Variants in FCHSD2 observed in about 807,000 individuals in gnomAD.
FCHSD2 encodes the protein FCH and double SH3 domains 2, also known as F-BAR and double SH3 domains protein 2.
A neutral mutation model predicts 108.1 loss-of-function variants in FCHSD2; 38 were observed. The ratio of observed to expected loss-of-function variants is 0.35; its 90% CI spans 0.27 to 0.46. FCHSD2 has a LOEUF of 0.46. Ranked by LOEUF, FCHSD2 falls within the 20% of genes least tolerant of loss-of-function variation. FCHSD2 has a pLI of 1.00. For missense variants in FCHSD2, 751 were observed against 897.8 expected (o/e 0.84, Z 2.09); for synonymous variants, 279 against 314.7 (o/e 0.89, Z 1.20).
intron 2 of FCHSD2, 128 bp downstream of exon 2, chr11:73,139,903 A>T (rs1861207645): frequency 1.1e-5 from 6 of 538,808 alleles, no homozygotes; most frequent in African/African-American, 1.9e-5. Flanking sequence ...CAGCTGAGTC[A>T]AAGTTCTAAC....
rs1009133013 is a variant in FCHSD2 at position 72,953,616 on chromosome 11, C to T, written c.705+30472G>A. On this transcript the variant is annotated intron_variant, in intron 8 of 19. Transcript: ENST00000409418. ...CAGACATTATTCCAGGTACTGGAGA[C>T]ACTGCATGGGGGAAAAAAAAAACAC... Among the ~76,000 whole-genome samples the T allele has an allele frequency of 5.5e-5, 5 of 91,324 alleles. No individual in the cohort carries two copies. In the Admixed American group the frequency reaches 7.4e-4, roughly 13 times the overall value. The allele number at this position is 91,324 out of a possible 152,430, so 59.9% of individuals were successfully genotyped here. A position where few individuals can be genotyped will look rare whatever the true frequency, so the allele number is the denominator to read the frequency against.
rs1000422875 is a variant in FCHSD2, at chr11:73,040,139, A to G, written c.166-24254T>C. ...ACCAGATAATGTTACACAAAGGCTG[A>G]GTTCATTTGTTTTGGACAGGTGGCC... On this transcript the variant is annotated intron_variant, in intron 3 of 19. Coordinates refer to ENST00000409418, the MANE Select transcript of FCHSD2 (RefSeq NM_014824.3). 2.6e-5 allele frequency among the ~76,000 whole-genome samples: 4 copies of G among 152,198 alleles called. No homozygotes were observed. In the South Asian group the frequency reaches 8.3e-4, roughly 31 times the overall value.
chr11:72,886,854 T>C (rs1458542860), intron 12 of FCHSD2, among the ~76,000 whole-genome samples: 1 of 152,148 alleles, frequency 6.6e-6, no homozygotes. Flanking sequence ...GCATAAGAAC[T>C]CTAAACACTA....
At position 73,135,526 on chromosome 11, in the gene FCHSD2, A is replaced by G. The variant is rs148240882; in HGVS notation, c.119+4505T>C. Among the ~76,000 whole-genome samples the G allele has an allele frequency of 5.3e-5, 8 of 152,362 alleles. No individual in the cohort carries two copies. In the East Asian group the frequency reaches 1.5e-3, roughly 29 times the overall value. On this transcript the variant is annotated intron_variant, in intron 2 of 19. Coordinates refer to ENST00000409418, the MANE Select transcript of FCHSD2 (RefSeq NM_014824.3). Reference sequence around the variant, plus strand: ...CACAGGATAAACAATCCTAAGAAGAAAAGTACACAGACTCTAGTATGTAGA... The same window carrying G: ...CACAGGATAAACAATCCTAAGAAGAGAAGTACACAGACTCTAGTATGTAGA...
chr11:72,885,729 A>G (rs1855183482), intron 12 of FCHSD2, among the ~76,000 whole-genome samples: 1 of 152,194 alleles, frequency 6.6e-6, no homozygotes, highest in Non-Finnish European at 1.5e-5. Flanking sequence ...AACAACAGGA[A>G]TAACTCTTCT....
At chr11:72,934,146 A>G (rs144196683) in intron 8 of FCHSD2, among the ~76,000 whole-genome samples, 25 of 151,454 alleles carry the variant, frequency 1.7e-4, no homozygotes, top group African/African-American at 5.8e-4. Context: ...AGCTATTTAA[A>G]GCTTACAACA....
intron 8 of FCHSD2, among the ~76,000 whole-genome samples, chr11:72,928,229 A>G (rs1042691384): frequency 6.6e-6 from 1 of 152,122 alleles, no homozygotes; most frequent in Non-Finnish European, 1.5e-5. Context: ...AAACCTGAAT[A>G]ACATATTAGG....
At chr11:72,967,462 T>C (rs532468809) in intron 8 of FCHSD2, among the ~76,000 whole-genome samples, 30 of 152,306 alleles carry the variant, frequency 2.0e-4, no homozygotes, top group Admixed American at 1.8e-3. Context: ...TAATATATGC[T>C]ACAACATGAA....
intron 3 of FCHSD2, among the ~76,000 whole-genome samples, chr11:73,062,901 A>C (rs965994062): frequency 1.3e-5 from 2 of 152,200 alleles, no homozygotes; most frequent in East Asian, 3.8e-4. Flanking sequence ...CAACCTAGCA[A>C]GACAGGCCAA....
intron 8 of FCHSD2, among the ~76,000 whole-genome samples, chr11:72,982,393 G>C (rs775187739): frequency 2.6e-5 from 4 of 152,204 alleles, no homozygotes; most frequent in Non-Finnish European, 5.9e-5. Flanking sequence ...TAAGCAATTC[G>C]ACTACAGCAA....
At chr11:72,943,426 AG>A (rs1856459597) in intron 8 of FCHSD2, among the ~76,000 whole-genome samples, 1 of 152,246 alleles carries the variant, frequency 6.6e-6, no homozygotes, top group East Asian at 1.9e-4. Context: ...TGAGTAGGAA[AG>A]GATTAGTGAG....
intron 14 of FCHSD2, among the ~76,000 whole-genome samples, chr11:72,846,469 C>T (rs1476473806): frequency 2.0e-5 from 3 of 152,116 alleles, no homozygotes; most frequent in Non-Finnish European, 2.9e-5. Flanking sequence ...CGTGAGCTAC[C>T]GTGCCCAGCC....
intron 2 of FCHSD2, among the ~76,000 whole-genome samples, chr11:73,118,466 G>A (rs1449978718): frequency 6.6e-6 from 1 of 152,164 alleles, no homozygotes; most frequent in Admixed American, 6.5e-5. Flanking sequence ...AGTTCTGCCT[G>A]TTTTAGAACT....
chr11:72,892,556 T>C (rs940363182), intron 10 of FCHSD2, among the ~76,000 whole-genome samples: 2 of 152,206 alleles, frequency 1.3e-5, no homozygotes, highest in African/African-American at 4.8e-5. Flanking sequence ...CAAAGATCAA[T>C]ATAAATCAGG....
chr11:72,931,155 G>A (rs2135325944), intron 8 of FCHSD2, among the ~76,000 whole-genome samples: 1 of 149,962 alleles, frequency 6.7e-6, no homozygotes, highest in Admixed American at 6.6e-5. Context: ...GAGTGTAGTG[G>A]TGCGATCAGG....
At chr11:73,038,170 G>A (rs1316243706) in intron 3 of FCHSD2, among the ~76,000 whole-genome samples, 1 of 151,948 alleles carries the variant, frequency 6.6e-6, no homozygotes, top group Non-Finnish European at 1.5e-5. Flanking sequence ...AAGGAGATCT[G>A]TCTCTATTAA....
chr11:73,049,887 T>C (rs956681962), intron 3 of FCHSD2, among the ~76,000 whole-genome samples: 1 of 152,142 alleles, frequency 6.6e-6, no homozygotes, highest in Non-Finnish European at 1.5e-5. Context: ...AAAAAATTGT[T>C]TTCAAATTCC....
chr11:72,907,031 G>C (rs748242433), intron 9 of FCHSD2, among the ~76,000 whole-genome samples: 2 of 152,034 alleles, frequency 1.3e-5, no homozygotes, highest in Non-Finnish European at 2.9e-5. Flanking sequence ...CCATTTGTTT[G>C]CGTCCTCTTT....
At chr11:73,116,122 A>G (rs1860595518) in intron 2 of FCHSD2, among the ~76,000 whole-genome samples, 1 of 152,238 alleles carries the variant, frequency 6.6e-6, no homozygotes, top group South Asian at 2.1e-4. Context: ...TTTGCTAATA[A>G]GAGTTTTTAT....
Sources: allele counts gnomAD v4.1 joint callset (sites outside exome capture counted in the v4.1 genomes callset), GRCh38; gene constraint gnomAD v4.1.1; transcripts MANE v1.5; gene names NCBI Gene and HGNC (gene_info 2026-07-23, HGNC 2026-07-21).